Variants in GET4 observed in about 807,000 individuals in gnomAD.
The protein encoded by GET4 is Golgi to ER traffic protein 4 homolog.
Under a neutral mutation model 40.0 loss-of-function variants are expected in GET4, and 20 were observed. That is an observed-to-expected ratio of 0.50 (90% CI 0.35 to 0.73). The LOEUF (loss-of-function observed/expected upper bound fraction) is 0.73. Among genes scored for constraint, GET4 ranks in the 30% least tolerant of loss-of-function variants. GET4 has a pLI of 0.01. For synonymous variants in GET4, 280 were observed against 194.6 expected, an observed-to-expected ratio of 1.44 and a Z score of -3.65; for missense variants, 557 against 454.0, an observed-to-expected ratio of 1.23 and a Z score of -2.06.
chr7:892,478 T>G, intron 6 of GET4, 60 bp downstream of exon 6: 1 of 1,545,672 alleles, frequency 6.5e-7, no homozygotes. Flanking sequence ...TGTGTAGACG[T>G]GGTGTGGATA....
Position 876,762 on chromosome 7 carries a change from C to A in GET4, c.117C>A (p.Tyr39Ter). ...GCGCCAGCGTCGAGAAGGGCGACTA[C>A]TACGAGGCGCACCAGATGTACCGGA... ...KLRASVEKGD[Y>*]YEAHQMYRTL... Residue 39 changes from tyrosine to a stop codon, truncating the protein, a stop_gained, in exon 1 of 9, where the codon TAC becomes TAA. Coordinates refer to ENST00000265857, the MANE Select transcript of GET4 (RefSeq NM_015949.3). LOFTEE classifies it high-confidence loss of function. The A allele has an allele frequency of 7.4e-7, 1 of 1,354,948 alleles. No individual in the cohort carries two copies. The highest frequency in any genetic ancestry group is 9.6e-7 in the Non-Finnish European group (1 of 1,039,096). 83.9% of individuals were successfully genotyped at this position (1,354,948 alleles called of 1,614,324 possible). A position where few individuals can be genotyped will look rare whatever the true frequency, so the allele number is the denominator to read the frequency against.
intron 8 of GET4, among the ~76,000 whole-genome samples, chr7:894,394 G>A (rs10950954): frequency 0.6 from 91,412 of 152,028 alleles, 27,867 homozygotes; most frequent in East Asian, 0.78. Context: ...GTGGTGGTTC[G>A]TGGCACCGCG....
At chr7:887,344 C>G (rs769107913) in intron 3 of GET4, 26 bp from the exon 4 acceptor site, 1 of 1,567,384 alleles carries the variant, frequency 6.4e-7, no homozygotes, top group Non-Finnish European at 8.7e-7. Flanking sequence ...GTGCGTTCCT[C>G]TGATGAGGGT....
At position 895,712 on chromosome 7, in the gene GET4, G is replaced by A; in HGVS notation, c.*290G>A. On this transcript the variant is annotated 3_prime_UTR_variant, in exon 9 of 9. Transcript: ENST00000265857. Reference sequence around the variant, plus strand: ...CGGCGTCACCCTCTCCCACTCCTTTGTTCTGGGTCCTTTCGGGAGGGCTGA... The same window carrying A: ...CGGCGTCACCCTCTCCCACTCCTTTATTCTGGGTCCTTTCGGGAGGGCTGA... 1 of 235,394 alleles carries A rather than the reference G, an allele frequency of 4.2e-6. No homozygotes were observed. Among genetic ancestry groups the A allele is most frequent in the Admixed American group, 5.8e-5 (1 of 17,320 alleles). The allele number at this position is 235,394 out of a possible 1,614,324, so 14.6% of individuals were successfully genotyped here.
At chr7:889,240 G>A (rs951944583) in intron 4 of GET4, among the ~76,000 whole-genome samples, 3 of 152,256 alleles carry the variant, frequency 2.0e-5, no homozygotes, top group African/African-American at 7.2e-5. Context: ...CCCCGACACC[G>A]TGACGGTGCT....
intron 5 of GET4, 47 bp downstream of exon 5, chr7:891,113 G>C: frequency 1.3e-6 from 2 of 1,509,138 alleles, no homozygotes; most frequent in Non-Finnish European, 1.8e-6. Flanking sequence ...TGCTGCCTTG[G>C]CTGGGCAGCC....
At chr7:894,557 C>G (rs927231639) in intron 8 of GET4, among the ~76,000 whole-genome samples, 5 of 152,182 alleles carry the variant, frequency 3.3e-5, no homozygotes, top group African/African-American at 4.8e-5. Context: ...GATGCCCCCC[C>G]CAGACACCCT....
Position 895,693 on chromosome 7 carries a change from C to A in GET4, c.*271C>A. On this transcript the variant is annotated 3_prime_UTR_variant, in exon 9 of 9. Coordinates refer to ENST00000265857, the MANE Select transcript of GET4 (RefSeq NM_015949.3). ...TAAAGCACAGGCCTTACCGCGGCGT[C>A]ACCCTCTCCCACTCCTTTGTTCTGG... 3.7e-6 allele frequency: 1 copy of A among 271,466 alleles called. No individual in the cohort carries two copies. Among genetic ancestry groups the A allele is most frequent in the East Asian group, 6.7e-5 (1 of 14,954 alleles). The allele number at this position is 271,466 out of a possible 1,614,324, so 16.8% of individuals were successfully genotyped here.
chr7:887,254 G>T (rs771647290), intron 3 of GET4, 116 bp from the exon 4 acceptor site: 20 of 1,050,308 alleles, frequency 1.9e-5, no homozygotes, highest in Non-Finnish European at 1.5e-6. Context: ...GGGACGCCCA[G>T]CAGGTTCCTC....
intron 1 of GET4, chr7:884,631 T>C (rs1005624984): frequency 8.3e-6 from 2 of 240,468 alleles, no homozygotes; most frequent in East Asian, 2.6e-4. Flanking sequence ...GGTCCCTGGC[T>C]GTGGTGCCTT....
chr7:884,511 T>A, intron 1 of GET4: 1 of 432,270 alleles, frequency 2.3e-6, no homozygotes, highest in Non-Finnish European at 4.1e-6. Flanking sequence ...TGCGGGCTTT[T>A]CCCTCCTGGT....
rs570647053 is a variant in GET4, at chr7:892,200, C to T, written c.606-78C>T. The T allele has an allele frequency of 6.1e-6, 9 of 1,468,232 alleles. No individual in the cohort carries two copies. The East Asian group carries it at 1.4e-4, about 23-fold the overall frequency. The allele number at this position is 1,468,232 out of a possible 1,614,324, so 91.0% of individuals were successfully genotyped here. On this transcript the variant is annotated intron_variant, in intron 5 of 8. Coordinates refer to ENST00000265857, the MANE Select transcript of GET4 (RefSeq NM_015949.3). ...CGTGGGCGCACGAGCTTGGGAAGGA[C>T]ATGTCGGAGGCCGGCGCCTGTGCGG...
At chr7:890,561 C>G (rs1032694083) in intron 4 of GET4, among the ~76,000 whole-genome samples, 3 of 152,062 alleles carry the variant, frequency 2.0e-5, no homozygotes, top group Non-Finnish European at 4.4e-5. Context: ...CCGAGGTGCA[C>G]TGGCCTGGGC....
At chr7:892,207 G>T in intron 5 of GET4, 71 bp from the exon 6 acceptor site, 1 of 1,517,212 alleles carries the variant, frequency 6.6e-7, no homozygotes, top group South Asian at 1.2e-5. Context: ...GGACATGTCG[G>T]AGGCCGGCGC....
chr7:889,608 G>A (rs1453906803), intron 4 of GET4, among the ~76,000 whole-genome samples: 1 of 152,112 alleles, frequency 6.6e-6, no homozygotes, highest in East Asian at 1.9e-4. Flanking sequence ...ACCACGAGAA[G>A]GGCTGGGCTC....
intron 2 of GET4, 200 bp downstream of exon 2, chr7:886,334 G>C (rs912099827): frequency 3.3e-6 from 2 of 605,612 alleles, no homozygotes; most frequent in African/African-American, 1.9e-5. Context: ...CGCTGCGTTT[G>C]TGCACGATGG....
intron 1 of GET4, chr7:878,250 T>C (rs1844008881): frequency 2.1e-6 from 1 of 470,768 alleles, no homozygotes; most frequent in East Asian, 7.0e-5. Flanking sequence ...GCTGCGTGGC[T>C]TGGTTGATTG....
intron 6 of GET4, 44 bp downstream of exon 6, chr7:892,462 G>A (rs972791622): frequency 8.3e-6 from 13 of 1,575,198 alleles, no homozygotes; most frequent in South Asian, 1.1e-5. Flanking sequence ...GTGAATGTGC[G>A]GGTTGTGTGT....
rs1214651298 is a variant in GET4, at chr7:884,401, C to A, written c.156-1655C>A. 4.7e-6 allele frequency: 6 copies of A among 1,286,418 alleles called. No individual in the cohort carries two copies. The East Asian group carries it at 2.3e-4, about 49-fold the overall frequency. 79.7% of individuals were successfully genotyped at this position (1,286,418 alleles called of 1,614,324 possible). A position where few individuals can be genotyped will look rare whatever the true frequency, so the allele number is the denominator to read the frequency against. On this transcript the variant is annotated intron_variant, in intron 1 of 8. Coordinates refer to ENST00000265857, the MANE Select transcript of GET4 (RefSeq NM_015949.3). ...CTCCTGCTGTGGTGTTGGGGTGGGTCTCCCTCCAGAACCTTCACTGTGCGG... is the reference window on the plus strand; with the variant it reads ...CTCCTGCTGTGGTGTTGGGGTGGGTATCCCTCCAGAACCTTCACTGTGCGG...
Sources: allele counts gnomAD v4.1 joint callset (sites outside exome capture counted in the v4.1 genomes callset), GRCh38; gene constraint gnomAD v4.1.1; transcripts MANE v1.5; gene names NCBI Gene and HGNC (gene_info 2026-07-23, HGNC 2026-07-21).